The following SCMH1 variants were observed in gnomAD, a reference collection of about 807,000 sequenced individuals.
SCMH1 encodes the protein polycomb protein SCMH1.
Under a neutral mutation model 70.8 loss-of-function variants are expected in SCMH1, and 37 were observed. That is an observed-to-expected ratio of 0.52 (90% CI 0.40 to 0.69). The LOEUF (loss-of-function observed/expected upper bound fraction) is 0.69. Among genes scored for constraint, SCMH1 ranks in the 30% least tolerant of loss-of-function variants. SCMH1 has a pLI of 0.00. For synonymous variants in SCMH1, 292 were observed against 307.4 expected (o/e 0.95, Z 0.52); for missense variants, 607 against 827.3 (o/e 0.73, Z 3.27).
At chr1:41,068,140 T>C (rs1655292352) in intron 10 of SCMH1, among the ~76,000 whole-genome samples, 1 of 152,238 alleles carries the variant, frequency 6.6e-6, no homozygotes, top group Non-Finnish European at 1.5e-5. Context: ...AGGTCTGGTG[T>C]TTCTACCAAA....
chr1:41,162,092 GCTC>G (rs1646080933), intron 2 of SCMH1, among the ~76,000 whole-genome samples: 1 of 152,102 alleles, frequency 6.6e-6, no homozygotes, highest in Non-Finnish European at 1.5e-5. Flanking sequence ...CAGACCTCCT[GCTC>G]CATGGAACAG....
intron 8 of SCMH1, among the ~76,000 whole-genome samples, chr1:41,105,637 T>C (rs771974799): frequency 6.6e-6 from 1 of 152,134 alleles, no homozygotes; most frequent in Non-Finnish European, 1.5e-5. Context: ...TCACAATAGG[T>C]GATACACATT....
chr1:41,228,654 G>T (rs1222775656), intron 1 of SCMH1, among the ~76,000 whole-genome samples: 2 of 151,758 alleles, frequency 1.3e-5, no homozygotes, highest in African/African-American at 4.8e-5. Context: ...GTGTGATGGT[G>T]CGCACCTGTG....
chr1:41,118,626 T>C (rs1359451212), intron 6 of SCMH1, among the ~76,000 whole-genome samples: 1 of 152,216 alleles, frequency 6.6e-6, no homozygotes, highest in East Asian at 1.9e-4. Flanking sequence ...AGGATTGTCC[T>C]ATCCAAAAAT....
chr1:41,131,399 A>G (rs971482608), intron 6 of SCMH1, among the ~76,000 whole-genome samples: 8 of 152,248 alleles, frequency 5.3e-5, no homozygotes, highest in Admixed American at 3.3e-4. Flanking sequence ...TTTAGAACCA[A>G]TTTGTCAATT....
chr1:41,071,477 G>A (rs961067629), intron 9 of SCMH1, among the ~76,000 whole-genome samples: 2 of 152,036 alleles, frequency 1.3e-5, no homozygotes, highest in Admixed American at 6.6e-5. Context: ...CTGGTTCTAA[G>A]TACCATTCTT....
At chr1:41,191,353 T>C (rs918400259) in intron 1 of SCMH1, among the ~76,000 whole-genome samples, 5 of 152,244 alleles carry the variant, frequency 3.3e-5, no homozygotes, top group Non-Finnish European at 7.3e-5. Flanking sequence ...GTAAATGAAA[T>C]TTTTTATTAA....
intron 1 of SCMH1, among the ~76,000 whole-genome samples, chr1:41,222,869 T>C (rs1659571736): frequency 1.3e-5 from 2 of 152,224 alleles, no homozygotes; most frequent in Admixed American, 6.5e-5. Flanking sequence ...GAATCCCTGA[T>C]TTCTGATGAT....
At chr1:41,204,544 T>C (rs910233537) in intron 1 of SCMH1, among the ~76,000 whole-genome samples, 11 of 152,222 alleles carry the variant, frequency 7.2e-5, no homozygotes, top group African/African-American at 2.7e-4. Flanking sequence ...TCAGCTCCTG[T>C]TGGAGGCCAA....
At chr1:41,028,074 C>A in exon 15 of SCMH1, 1 of 1,261,002 alleles carries the variant, frequency 7.9e-7, no homozygotes, top group Admixed American at 2.0e-5. Flanking sequence ...CACACAGCCT[C>A]TTGGAGTCCT....
At chr1:41,116,899 G>C in intron 7 of SCMH1, 23 bp downstream of exon 7, 1 of 1,579,998 alleles carries the variant, frequency 6.3e-7, no homozygotes, top group Non-Finnish European at 8.6e-7. Flanking sequence ...CCTGGAGCTG[G>C]TGATATCTGA....
At chr1:41,235,579 A>C (rs1662212564) in intron 1 of SCMH1, among the ~76,000 whole-genome samples, 1 of 133,634 alleles carries the variant, frequency 7.5e-6, no homozygotes, top group Admixed American at 6.9e-5. Context: ...TAAAAAAAAA[A>C]AAAAAAAAAA....
intron 2 of SCMH1, among the ~76,000 whole-genome samples, chr1:41,178,356 T>G (rs1647617500): frequency 3.9e-5 from 6 of 152,100 alleles, no homozygotes; most frequent in Admixed American, 3.9e-4. Context: ...CCAGCTAACA[T>G]CATAATGACA....
chr1:41,194,443 A>G (rs1361305266), intron 1 of SCMH1, among the ~76,000 whole-genome samples: 3 of 152,258 alleles, frequency 2.0e-5, no homozygotes, highest in Non-Finnish European at 4.4e-5. Context: ...GAACTACTGT[A>G]GATCAAAGAA....
At chr1:41,169,965 G>T (rs1646677921) in intron 2 of SCMH1, among the ~76,000 whole-genome samples, 1 of 152,192 alleles carries the variant, frequency 6.6e-6, no homozygotes, top group African/African-American at 2.4e-5. Context: ...CTGGTGGCAG[G>T]TTAATATTTG....
At chr1:41,099,509 A>C (rs1010037819) in intron 8 of SCMH1, among the ~76,000 whole-genome samples, 1 of 152,256 alleles carries the variant, frequency 6.6e-6, no homozygotes, top group African/African-American at 2.4e-5. Flanking sequence ...CCTAACGGTT[A>C]TCTCTAAATC....
chr1:41,150,061 C>T (rs532161059), intron 5 of SCMH1, among the ~76,000 whole-genome samples: 1 of 152,178 alleles, frequency 6.6e-6, no homozygotes, highest in South Asian at 2.1e-4. Flanking sequence ...ATTAGGGAGT[C>T]TGCTGGGCTC....
At chr1:41,142,043 A>C (rs1169116076) in intron 6 of SCMH1, among the ~76,000 whole-genome samples, 1 of 152,230 alleles carries the variant, frequency 6.6e-6, no homozygotes, top group African/African-American at 2.4e-5. Flanking sequence ...AGATAAAATT[A>C]TATTGACTTC....
chr1:41,058,906 T>C (rs1206011076), intron 10 of SCMH1, among the ~76,000 whole-genome samples: 1 of 152,214 alleles, frequency 6.6e-6, no homozygotes, highest in African/African-American at 2.4e-5. Context: ...GAAGATATGA[T>C]ATTGACATTA....
Sources: gnomAD v4.1 joint callset for allele counts (sites outside exome capture counted in the v4.1 genomes callset) on GRCh38, gnomAD v4.1.1 for gene constraint, MANE v1.5 for transcripts, NCBI Gene and HGNC (gene_info 2026-07-23, HGNC 2026-07-21) for gene names.